The following KLC1 variants were observed in gnomAD, a reference collection of about 807,000 sequenced individuals.
The protein encoded by KLC1 is kinesin 2 60/70kDa.
KLC1 carries 30 observed loss-of-function variants against 84.2 expected under a neutral mutation model. The ratio of observed to expected loss-of-function variants is 0.36; its 90% CI spans 0.27 to 0.48. KLC1 has a LOEUF of 0.48. KLC1 is among the 20% of genes least tolerant of loss of function. The pLI, the probability that KLC1 is intolerant of heterozygous loss-of-function variation, is 0.99. For missense variants in KLC1, 499 were observed against 805.4 expected, an observed-to-expected ratio of 0.62 and a Z score of 4.60; for synonymous variants, 289 against 293.3, an observed-to-expected ratio of 0.99 and a Z score of 0.15.
At chr14:103,659,810 T>C (rs535517476) in intron 3 of KLC1, among the ~76,000 whole-genome samples, 2 of 152,218 alleles carry the variant, frequency 1.3e-5, no homozygotes, top group South Asian at 4.1e-4. Flanking sequence ...GGCTTAACAT[T>C]TATTTTCTCA....
At position 103,662,942 on chromosome 14, in the gene KLC1, T is replaced by C; in HGVS notation, c.797+15T>C. ...TTGGTGTACAGGCTAGTCACTTTTGTTTACCTACTGAATTTTACCTAGAGA... is the reference window on the plus strand; with the variant it reads ...TTGGTGTACAGGCTAGTCACTTTTGCTTACCTACTGAATTTTACCTAGAGA... On this transcript the variant is annotated intron_variant, in intron 5 of 16. Transcript: ENST00000334553. The C allele has an allele frequency of 6.4e-7, 1 of 1,566,744 alleles. No homozygotes were observed. The highest frequency in any genetic ancestry group is 1.1e-5 in the South Asian group (1 of 87,188).
At chr14:103,659,078 A>C (rs2079070328) in intron 3 of KLC1, among the ~76,000 whole-genome samples, 1 of 152,012 alleles carries the variant, frequency 6.6e-6, no homozygotes, top group African/African-American at 2.4e-5. Flanking sequence ...CCTGGGTTCA[A>C]GCGATTCTCC....
intron 15 of KLC1, 198 bp from the exon 16 acceptor site, chr14:103,700,457 C>T (rs1166923942): frequency 6.0e-6 from 3 of 496,020 alleles, no homozygotes; most frequent in South Asian, 6.2e-5. Context: ...CACAGCTGCT[C>T]CTGGCACCAA....
chr14:103,694,954 G>A lies in KLC1; in HGVS notation c.1848+2529G>A, dbSNP rs1008467189. On this transcript the variant is annotated intron_variant, in intron 15 of 16. Coordinates refer to ENST00000334553, the MANE Select transcript of KLC1 (RefSeq NM_001394837.1). The surrounding 1 kb of genome is among the most constrained non-coding windows in gnomAD (Gnocchi z 4.5). ...AAGCTCCGTGTAGTCGCCAGCGGGT[G>A]CCTGGCCCAGGAGCTGCCCTGTGGA... The A allele has an allele frequency of 9.0e-5, 89 of 985,316 alleles. No homozygotes were observed. The highest frequency in any genetic ancestry group is 1.1e-4 in the Non-Finnish European group (88 of 829,938). 61.0% of individuals were successfully genotyped at this position (985,316 alleles called of 1,614,324 possible).
chr14:103,695,272 G>A (rs1484408369), intron 15 of KLC1: 11 of 645,250 alleles, frequency 1.7e-5, no homozygotes, highest in Non-Finnish European at 2.1e-5. Context: ...AACAGCTTGG[G>A]CAACACAGCG....
Position 103,700,663 on chromosome 14 carries a change from T to G in KLC1, c.1857T>G (p.Ser619=). The G allele has an allele frequency of 3.1e-6, 5 of 1,607,402 alleles. No individual in the cohort carries two copies. In the South Asian group the frequency reaches 5.5e-5, roughly 18 times the overall value. ...CTGTGCTTCATCTCCAGGGCGTCTC[T>G]GGCCGAGCCTCTTTTTGTGGAAAAC... ...KAAEDRFQGV[S]GRASFCGKRQ... is the part of the protein sequence containing the mutation. The change falls in exon 16 of 17, where the codon TCT becomes TCG. Residue 619 remains serine (S), a synonymous_variant. Coordinates refer to ENST00000334553, the MANE Select transcript of KLC1 (RefSeq NM_001394837.1).
At chr14:103,670,152 C>A in intron 6 of KLC1, 30 bp from the exon 7 acceptor site, 1 of 1,511,072 alleles carries the variant, frequency 6.6e-7, no homozygotes, top group South Asian at 1.1e-5. Flanking sequence ...TATCTTTTAC[C>A]ATTCTTAGTG....
intron 7 of KLC1, among the ~76,000 whole-genome samples, chr14:103,670,517 A>G (rs2080282242): frequency 6.6e-6 from 1 of 151,818 alleles, no homozygotes; most frequent in African/African-American, 2.4e-5. Context: ...TTGTATTTGT[A>G]GTAGAGATGG....
chr14:103,685,014 A>C, intron 13 of KLC1: 1 of 1,366,682 alleles, frequency 7.3e-7, no homozygotes, highest in Non-Finnish European at 1.0e-6. Context: ...GGGCTGGTTA[A>C]CTGACTTGCT....
rs34994116 is a variant in KLC1 at position 103,694,250 on chromosome 14, CTTTTTTT to C, written c.1848+1838_1848+1844del. On this transcript the variant is annotated intron_variant, in intron 15 of 16. Coordinates refer to ENST00000334553, the MANE Select transcript of KLC1 (RefSeq NM_001394837.1). This position sits in a 1 kb window ranked among gnomAD's most constrained non-coding sequence, Gnocchi z 4.5. ...GAAGCCCATAGAGACGTGTGTTTCA[CTTTTTTT>C]TTTTTTTTTTTTGAGACGGAGTCTA... is the stretch of plus-strand genomic sequence containing the variant. The C allele has an allele frequency of 2.3e-4, 211 of 917,362 alleles. 1 individual carries two copies. The African/African-American group carries it at 3.8e-3, about 16-fold the overall frequency. The allele number at this position is 917,362 out of a possible 1,614,324, so 56.8% of individuals were successfully genotyped here. A position where few individuals can be genotyped will look rare whatever the true frequency, so the allele number is the denominator to read the frequency against.
rs553672237 is a variant in KLC1 at position 103,668,915 on chromosome 14, C to A, written c.798-596C>A. ...GCCTCAGCCTCCCGAGTAGCTGGGA[C>A]TAAAGCCGCCTGCTACCACACCCGG... On this transcript the variant is annotated intron_variant, in intron 5 of 16. Transcript: ENST00000334553. 2.0e-4 allele frequency among the ~76,000 whole-genome samples: 30 copies of A among 151,622 alleles called. No individual in the cohort carries two copies. In the South Asian group the frequency reaches 6.1e-3, roughly 31 times the overall value.
At chr14:103,641,558 GAA>G (rs1171026345) in intron 1 of KLC1, among the ~76,000 whole-genome samples, 1 of 152,084 alleles carries the variant, frequency 6.6e-6, no homozygotes, top group Non-Finnish European at 1.5e-5. Context: ...CTCACATGGT[GAA>G]AAGAGTGTGA....
intron 13 of KLC1, among the ~76,000 whole-genome samples, chr14:103,681,040 C>T (rs11540512): frequency 0.28 from 42,492 of 152,030 alleles, 6,683 homozygotes; most frequent in East Asian, 0.35. Context: ...CTGGAAGTGT[C>T]GCTGCTGGGG....
At chr14:103,699,427 G>C (rs138142727) in intron 15 of KLC1, 4 of 1,612,722 alleles carry the variant, frequency 2.5e-6, no homozygotes, top group African/African-American at 2.7e-5. Flanking sequence ...TGGCCCCCAG[G>C]GACTGCAGAT....
rs1419337679 is a variant in KLC1, at chr14:103,685,190, T to TG, written c.1651-1891_1651-1890insG. 9 of 1,437,008 alleles carry TG rather than the reference T, an allele frequency of 6.3e-6. No homozygotes were observed. In the African/African-American group the frequency reaches 1.2e-4, roughly 18 times the overall value. The allele number at this position is 1,437,008 out of a possible 1,614,324, so 89.0% of individuals were successfully genotyped here. On this transcript the variant is annotated intron_variant, in intron 13 of 16. Coordinates refer to ENST00000334553, the MANE Select transcript of KLC1 (RefSeq NM_001394837.1). ...TGCATGTTTAAAATGGGCTGTAGAC[T>TG]TTTAAAGTCCGTGGTTTCCTAAAGT... is the stretch of plus-strand genomic sequence containing the variant.
intron 13 of KLC1, chr14:103,685,515 C>T (rs1277899593): frequency 7.8e-7 from 1 of 1,279,006 alleles, no homozygotes; most frequent in Non-Finnish European, 1.0e-6. Flanking sequence ...AGTCCTAAAG[C>T]CACTCAGAAG....
chr14:103,699,376 C>T (rs778540307), intron 15 of KLC1: 6 of 1,608,066 alleles, frequency 3.7e-6, no homozygotes, highest in African/African-American at 1.3e-5. Context: ...GGTTGATGCA[C>T]AGCACAGGGC....
chr14:103,651,590 C>G (rs1008024450), intron 1 of KLC1, among the ~76,000 whole-genome samples: 1 of 152,162 alleles, frequency 6.6e-6, no homozygotes, highest in Non-Finnish European at 1.5e-5. Flanking sequence ...GTCTGTTTCC[C>G]TCTGAAGAAG....
At chr14:103,650,763 A>G (rs1475738658) in intron 1 of KLC1, among the ~76,000 whole-genome samples, 1 of 151,678 alleles carries the variant, frequency 6.6e-6, no homozygotes, top group East Asian at 1.9e-4. Context: ...TATTTTTAGT[A>G]GAGACGGGGT....
Sources: gnomAD v4.1 joint callset for allele counts (sites outside exome capture counted in the v4.1 genomes callset) on GRCh38, gnomAD v4.1.1 for gene constraint, Gnocchi (gnomAD v3.1) non-coding constraint, MANE v1.5 for transcripts, NCBI Gene and HGNC (gene_info 2026-07-23, HGNC 2026-07-21) for gene names.